The following PPP1R9B variants were observed in gnomAD, a reference collection of about 807,000 sequenced individuals.
PPP1R9B encodes neurabin-2.
A neutral mutation model predicts 75.8 loss-of-function variants in PPP1R9B; 17 were observed. The observed-to-expected ratio is 0.22, with a 90% CI of 0.15 to 0.34. The LOEUF (loss-of-function observed/expected upper bound fraction) is 0.34, where lower values mean the gene tolerates loss of function less well. Among genes scored for constraint, PPP1R9B ranks in the 10% least tolerant of loss-of-function variants. The pLI is 1.00. For missense variants in PPP1R9B, 875 were observed against 1,196.0 expected, an observed-to-expected ratio of 0.73 and a Z score of 3.96; for synonymous variants, 509 against 535.4, an observed-to-expected ratio of 0.95 and a Z score of 0.68.
chr17:50,138,180 G>A (rs1000592078), intron 7 of PPP1R9B, among the ~76,000 whole-genome samples: 2 of 135,030 alleles, frequency 1.5e-5, no homozygotes, highest in African/African-American at 5.9e-5. Flanking sequence ...GTGTGTGTGT[G>A]TGTGTGTGTG....
intron 7 of PPP1R9B, among the ~76,000 whole-genome samples, chr17:50,138,620 T>C (rs190060164): frequency 1.3e-4 from 20 of 152,254 alleles, no homozygotes; most frequent in Admixed American, 5.2e-4. Context: ...GCTAATATAC[T>C]GACTTTTTTT....
In PPP1R9B at chr17:50,149,820, TG is replaced by T; in HGVS notation, c.693del (p.Arg232GlyfsTer87). The part of the protein sequence containing the change: ...RTGLHRGPGL[P>X]RAAGVPQVNS... The stretch of plus-strand genomic sequence containing the variant: ...TTGACCTGGGGAACCCCTGCGGCCC[TG>T]GGGAGCCCGGGCCCGCGGTGGAGGC... On this transcript the variant is annotated frameshift_variant, in exon 1 of 10. Transcript: ENST00000612501. LOFTEE classifies it high-confidence loss of function. This position sits in a 1 kb window ranked among gnomAD's most constrained non-coding sequence, Gnocchi z 7.2. 6.9e-7 allele frequency: 1 copy of T among 1,449,694 alleles called. No homozygotes were observed. Among genetic ancestry groups the T allele is most frequent in the Non-Finnish European group, 9.0e-7 (1 of 1,106,724 alleles). 89.8% of individuals were successfully genotyped at this position (1,449,694 alleles called of 1,614,324 possible).
intron 5 of PPP1R9B, 33 bp downstream of exon 5, chr17:50,140,049 CACCAGGGGGCG>C (rs745414870): frequency 1.2e-6 from 2 of 1,604,490 alleles, no homozygotes; most frequent in Non-Finnish European, 1.7e-6. Flanking sequence ...TTCATCTAGC[CACCAGGGGGCG>C]ACCACGCGGC....
rs529803335 is a variant in PPP1R9B, at chr17:50,139,496, G to A, written c.1952C>T (p.Ala651Val). The A allele has an allele frequency of 5.0e-6, 8 of 1,602,534 alleles. No homozygotes were observed. The highest frequency in any genetic ancestry group is 2.7e-5 in the African/African-American group (2 of 74,878). ...GEMAIEVFEL[A>V]ENEDALSPVD... Reference sequence around the variant, plus strand: ...AGGGGACAGTGCATCCTCGTTCTCCGCTAGCTCAAACACCTCGATGGCCAT... The same window carrying A: ...AGGGGACAGTGCATCCTCGTTCTCCACTAGCTCAAACACCTCGATGGCCAT... The change falls in exon 6 of 10, where the codon GCG becomes GTG. Residue 651 changes from alanine (A) to valine (V), a missense_variant. Physicochemically the swap from Ala to Val is moderately conservative, Grantham distance 64 (BLOSUM62 0). Transcript: ENST00000612501. The surrounding 1 kb of genome is among the most constrained non-coding windows in gnomAD (Gnocchi z 5.0).
In PPP1R9B at chr17:50,139,176, C is replaced by A; in HGVS notation, c.2073+87G>T. 2 of 1,462,976 alleles carry A rather than the reference C, an allele frequency of 1.4e-6. No individual in the cohort carries two copies. The highest frequency in any genetic ancestry group is 2.3e-5 in the South Asian group (2 of 87,898). 90.6% of individuals were successfully genotyped at this position (1,462,976 alleles called of 1,614,324 possible). On this transcript the variant is annotated intron_variant, in intron 7 of 9. Coordinates refer to ENST00000612501, the MANE Select transcript of PPP1R9B (RefSeq NM_032595.5). The surrounding 1 kb of genome is among the most constrained non-coding windows in gnomAD (Gnocchi z 5.0). The stretch of plus-strand genomic sequence containing the variant: ...TCTGTGGGTACCTGTGCCTAAGTGT[C>A]AGCATGTGCAGGTGTGAGGGTAGGG...
chr17:50,150,625 C>G lies in PPP1R9B; in HGVS notation c.-112G>C. Reference sequence around the variant, plus strand: ...CCCCCGATAAAAGAAACCCCGAAGGCCTTTTTTAGGGTCCCCCCAAAACCA... The same window carrying G: ...CCCCCGATAAAAGAAACCCCGAAGGGCTTTTTTAGGGTCCCCCCAAAACCA... On this transcript the variant is annotated 5_prime_UTR_variant, in exon 1 of 10. Transcript: ENST00000612501. The surrounding 1 kb of genome is among the most constrained non-coding windows in gnomAD (Gnocchi z 8.7). The G allele has an allele frequency of 8.8e-7, 1 of 1,130,900 alleles. No homozygotes were observed. Among genetic ancestry groups the G allele is most frequent in the East Asian group, 3.2e-5 (1 of 31,036 alleles). The allele number at this position is 1,130,900 out of a possible 1,614,324, so 70.1% of individuals were successfully genotyped here.
rs1912630898 is a variant in PPP1R9B, at chr17:50,149,710, C to T, written c.804G>A (p.Glu268=). Residue 268 remains glutamate, a synonymous_variant, in exon 1 of 10, where the codon GAG becomes GAA. Transcript: ENST00000612501. This position sits in a 1 kb window ranked among gnomAD's most constrained non-coding sequence, Gnocchi z 7.2. ...PPAPSGDAPA[E]KERCPAGQQP... is the part of the protein sequence containing the mutation. ...GCTGCCCTGCGGGGCATCGCTCTTTCTCGGCCGGGGCATCCCCCGACGGGG... is the reference window on the plus strand; with the variant it reads ...GCTGCCCTGCGGGGCATCGCTCTTTTTCGGCCGGGGCATCCCCCGACGGGG... 7.1e-7 allele frequency: 1 copy of T among 1,414,560 alleles called. No individual in the cohort carries two copies. The highest frequency in any genetic ancestry group is 9.2e-7 in the Non-Finnish European group (1 of 1,092,694). The allele number at this position is 1,414,560 out of a possible 1,614,324, so 87.6% of individuals were successfully genotyped here.
chr17:50,145,314 G>C (rs561035523), intron 1 of PPP1R9B, 69 bp from the exon 2 acceptor site: 119 of 1,596,360 alleles, frequency 7.5e-5, no homozygotes, highest in Admixed American at 3.2e-4. Flanking sequence ...TGAGGAGGCC[G>C]AGGAGGCAGG....
At chr17:50,144,244 A>G (rs549786243) in intron 2 of PPP1R9B, among the ~76,000 whole-genome samples, 22 of 151,904 alleles carry the variant, frequency 1.4e-4, no homozygotes, top group Non-Finnish European at 2.7e-4. Context: ...GGGGGATGGT[A>G]CCACCACCTG....
chr17:50,148,757 T>C (rs963865748), intron 1 of PPP1R9B, among the ~76,000 whole-genome samples: 1 of 152,214 alleles, frequency 6.6e-6, no homozygotes, highest in Non-Finnish European at 1.5e-5. Context: ...ATGTCTCTCC[T>C]GAAGACACAC....
rs1485105941 is a variant in PPP1R9B, at chr17:50,149,519, C to G, written c.995G>C (p.Gly332Ala). The G allele has an allele frequency of 6.3e-7, 1 of 1,594,170 alleles. No homozygotes were observed. Among genetic ancestry groups the G allele is most frequent in the East Asian group, 2.3e-5 (1 of 43,582 alleles). Residue 332 changes from glycine to alanine, a missense_variant, in exon 1 of 10, where the codon GGC becomes GCC. Gly to Ala is a moderately conservative substitution (Grantham distance 60). Coordinates refer to ENST00000612501, the MANE Select transcript of PPP1R9B (RefSeq NM_032595.5). The surrounding 1 kb of genome is among the most constrained non-coding windows in gnomAD (Gnocchi z 7.2). ...EVTVHAALEN[G>A]STVATAASPA... ...GCTGGCTGCAGTTGCCACGGTGCTG[C>G]CATTCTCCAGGGCCGCGTGGACCGT...
chr17:50,140,087 C>T lies in PPP1R9B; in HGVS notation c.1866+6G>A, dbSNP rs547805960. 3.7e-5 allele frequency: 59 copies of T among 1,613,022 alleles called. No homozygotes were observed. The South Asian group carries it at 6.3e-4, about 17-fold the overall frequency. On this transcript the variant is annotated splice_donor_region_variant and intron_variant, in intron 5 of 9. Transcript: ENST00000612501. Reference sequence around the variant, plus strand: ...CCACGCGGCCAGCCAGGCAGGGACTCCCTACCTCCTCGTCATCCTCCCCAT... The same window carrying T: ...CCACGCGGCCAGCCAGGCAGGGACTTCCTACCTCCTCGTCATCCTCCCCAT...
rs1165785796 is a variant in PPP1R9B at position 50,149,663 on chromosome 17, G to C, written c.851C>G (p.Ala284Gly). 8 of 1,503,822 alleles carry C rather than the reference G, an allele frequency of 5.3e-6. No homozygotes were observed. Among genetic ancestry groups the C allele is most frequent in the Non-Finnish European group, 7.1e-6 (8 of 1,129,302 alleles). 93.2% of individuals were successfully genotyped at this position (1,503,822 alleles called of 1,614,324 possible). ...GGGCTTGGGGGGCGGCCGGGCAGGG[G>C]CCACTCGGTGCTGCGGGGGCTGCTG... Reference protein sequence around the residue: ...AGQQPPQHRVAPARPPPKPRE... With the variant: ...AGQQPPQHRVGPARPPPKPRE... The change falls in exon 1 of 10, where the codon GCC becomes GGC. Residue 284 changes from alanine to glycine, a missense_variant. Around this residue, in one of 4 missense-constraint regions of PPP1R9B, gnomAD observed 449 missense variants for 475.0 expected, o/e 0.95. Coordinates refer to ENST00000612501, the MANE Select transcript of PPP1R9B (RefSeq NM_032595.5). The surrounding 1 kb of genome is among the most constrained non-coding windows in gnomAD (Gnocchi z 7.2).
At position 50,143,589 on chromosome 17, in the gene PPP1R9B, G is replaced by A. The variant is rs759505093; in HGVS notation, c.1625+9C>T. The stretch of plus-strand genomic sequence containing the variant: ...AAAAGGGTCAGGCGAGACTGGGGAG[G>A]ATTGGTACCTGCCATCCCGATGGGC... On this transcript the variant is annotated intron_variant, in intron 3 of 9. Coordinates refer to ENST00000612501, the MANE Select transcript of PPP1R9B (RefSeq NM_032595.5). 1 of 1,613,900 alleles carries A rather than the reference G, an allele frequency of 6.2e-7. No individual in the cohort carries two copies. The highest frequency in any genetic ancestry group is 8.5e-7 in the Non-Finnish European group (1 of 1,179,880).
chr17:50,141,129 C>A, intron 4 of PPP1R9B, 140 bp downstream of exon 4: 2 of 604,286 alleles, frequency 3.3e-6, no homozygotes. Flanking sequence ...CCAGGCACAG[C>A]AACTCCTGCA....
chr17:50,147,251 G>A (rs2144455640), intron 1 of PPP1R9B, among the ~76,000 whole-genome samples: 1 of 152,340 alleles, frequency 6.6e-6, no homozygotes, highest in Non-Finnish European at 1.5e-5. Context: ...GAGGGCCCTA[G>A]GGGAGGTCCC....
rs1199385527 is a variant in PPP1R9B, at chr17:50,142,160, C to T, written c.1626-787G>A. On this transcript the variant is annotated intron_variant, in intron 3 of 9. Coordinates refer to ENST00000612501, the MANE Select transcript of PPP1R9B (RefSeq NM_032595.5). The surrounding 1 kb of genome is among the most constrained non-coding windows in gnomAD (Gnocchi z 4.1). ...CACTCCAGTTGTGTCCCCTGAAGCC[C>T]GTGTTCTCCATACAAGGGGAGGTTC... 6.6e-6 allele frequency among the ~76,000 whole-genome samples: 1 copy of T among 152,182 alleles called. No homozygotes were observed. The highest frequency in any genetic ancestry group is 6.5e-5 in the Admixed American group (1 of 15,284).
chr17:50,139,003 G>C lies in PPP1R9B; in HGVS notation c.2073+260C>G, dbSNP rs566512020. Among the ~76,000 whole-genome samples the C allele has an allele frequency of 1.3e-5, 2 of 152,220 alleles. No homozygotes were observed. The highest frequency in any genetic ancestry group is 4.8e-5 in the African/African-American group (2 of 41,442). ...GTGTTATCTCATTTAATCCCACAAC[G>C]ATCCTGTGGTGTTGGTGCTATTACG... On this transcript the variant is annotated intron_variant, in intron 7 of 9. Coordinates refer to ENST00000612501, the MANE Select transcript of PPP1R9B (RefSeq NM_032595.5). The surrounding 1 kb of genome is among the most constrained non-coding windows in gnomAD (Gnocchi z 5.0).
rs1912660517 is a variant in PPP1R9B, at chr17:50,150,264, G to A, written c.250C>T (p.Pro84Ser). 1.4e-6 allele frequency: 2 copies of A among 1,444,636 alleles called. No homozygotes were observed. Among genetic ancestry groups the A allele is most frequent in the African/African-American group, 3.0e-5 (2 of 67,282 alleles). The allele number at this position is 1,444,636 out of a possible 1,614,324, so 89.5% of individuals were successfully genotyped here. ...CGCACGCCGCGCTCGGACGCCCGTGGGGCCTCGGCCAGGCCCGCGCCGCCG... is the reference window on the plus strand; with the variant it reads ...CGCACGCCGCGCTCGGACGCCCGTGAGGCCTCGGCCAGGCCCGCGCCGCCG... The part of the protein sequence containing the change: ...AGGGAGLAEA[P>S]RASERGVRLS... The change falls in exon 1 of 10, where the codon CCA (proline) becomes TCA (serine). Residue 84 changes from proline to serine, a missense_variant. Physicochemically the swap from Pro to Ser is moderately conservative, Grantham distance 74. Around this residue, in one of 4 missense-constraint regions of PPP1R9B, gnomAD observed 145 missense variants for 226.1 expected, o/e 0.64. Coordinates refer to ENST00000612501, the MANE Select transcript of PPP1R9B (RefSeq NM_032595.5). This position sits in a 1 kb window ranked among gnomAD's most constrained non-coding sequence, Gnocchi z 8.7.
Sources: gnomAD v4.1 joint callset for allele counts (sites outside exome capture counted in the v4.1 genomes callset) on GRCh38, gnomAD v4.1.1 for gene constraint, gnomAD v4.1.1 regional missense constraint, Gnocchi (gnomAD v3.1) non-coding constraint, MANE v1.5 for transcripts, NCBI Gene and HGNC (gene_info 2026-07-23, HGNC 2026-07-21) for gene names.